The following PTPRN2 variants were observed in gnomAD, a reference collection of about 807,000 sequenced individuals.
PTPRN2 encodes protein tyrosine phosphatase receptor type N2, also known as receptor-type tyrosine-protein phosphatase N2.
Under a neutral mutation model 118.8 loss-of-function variants are expected in PTPRN2, and 74 were observed. The observed-to-expected ratio is 0.62, with a 90% CI of 0.52 to 0.76. PTPRN2 has a LOEUF of 0.76. Ranked by LOEUF, PTPRN2 falls within the 30% of genes least tolerant of loss-of-function variation. The pLI is 0.00. For missense variants in PTPRN2, 1,481 were observed against 1,394.4 expected, an observed-to-expected ratio of 1.06 and a Z score of -0.99; for synonymous variants, 641 against 608.0, an observed-to-expected ratio of 1.05 and a Z score of -0.80.
At position 157,981,929 on chromosome 7, in the gene PTPRN2, C is replaced by A. The variant is rs1382941913; in HGVS notation, c.1724-83192G>T. Among the ~76,000 whole-genome samples the A allele has an allele frequency of 2.0e-5, 3 of 152,260 alleles. No homozygotes were observed. In the East Asian group the frequency reaches 5.8e-4, roughly 29 times the overall value. ...GAATTTGTAGAATGTGGGGTCCCCC[C>A]AAACCCCTGAGTCATAAAGATGAGG... is the stretch of plus-strand genomic sequence containing the variant. On this transcript the variant is annotated intron_variant, in intron 11 of 22. Coordinates refer to ENST00000389418, the MANE Select transcript of PTPRN2 (RefSeq NM_002847.5).
At chr7:157,602,471 G>A (rs1485154472) in intron 16 of PTPRN2, among the ~76,000 whole-genome samples, 1 of 151,316 alleles carries the variant, frequency 6.6e-6, no homozygotes, top group Non-Finnish European at 1.5e-5. Context: ...GCCGAGAGCT[G>A]AGCACCGTCT....
At chr7:157,766,616 G>T (rs1289445171) in intron 12 of PTPRN2, among the ~76,000 whole-genome samples, 1 of 152,208 alleles carries the variant, frequency 6.6e-6, no homozygotes, top group African/African-American at 2.4e-5. Flanking sequence ...GGATGACTTG[G>T]GTGTTCCTCA....
chr7:157,710,741 G>A lies in PTPRN2; in HGVS notation c.1789-27804C>T, dbSNP rs113244307. Among the ~76,000 whole-genome samples the A allele has an allele frequency of 4.6e-3, 696 of 150,594 alleles. 10 individuals are homozygous for A. The highest frequency in any genetic ancestry group is 0.015 in the African/African-American group (633 of 41,184). The stretch of plus-strand genomic sequence containing the variant: ...GCCGCCTGGGCACAGGTGCCCTTGC[G>A]CCTGGCCCTCAGCCCGCCCATGTGC... On this transcript the variant is annotated intron_variant, in intron 12 of 22. Transcript: ENST00000389418.
rs1799915863 is a variant in PTPRN2, at chr7:157,731,561, AT to A, written c.1789-48625del. On this transcript the variant is annotated intron_variant, in intron 12 of 22. Coordinates refer to ENST00000389418, the MANE Select transcript of PTPRN2 (RefSeq NM_002847.5). ...CAGCACAGTTACCCTTTCCCGTCCCATGCGCCCAGCACAGTTACTCTTTTCC... is the reference window on the plus strand; with the variant it reads ...CAGCACAGTTACCCTTTCCCGTCCCAGCGCCCAGCACAGTTACTCTTTTCC... Among the ~76,000 whole-genome samples the A allele has an allele frequency of 1.5e-4, 18 of 121,332 alleles. 1 individual carries two copies. Among genetic ancestry groups the A allele is most frequent in the Non-Finnish European group, 3.2e-4 (17 of 52,502 alleles). The allele number at this position is 121,332 out of a possible 152,430, so 79.6% of individuals were successfully genotyped here.
At chr7:158,547,400 G>A (rs758786478) in intron 1 of PTPRN2, among the ~76,000 whole-genome samples, 80 of 150,502 alleles carry the variant, frequency 5.3e-4, no homozygotes, top group African/African-American at 1.7e-3. Flanking sequence ...TGACTCCCCA[G>A]CCCCCGGCAA....
intron 10 of PTPRN2, among the ~76,000 whole-genome samples, chr7:158,091,066 T>C (rs915953681): frequency 6.6e-6 from 1 of 152,254 alleles, no homozygotes; most frequent in African/African-American, 2.4e-5. Context: ...CCGAGGCTTC[T>C]ATTTGGTTGG....
intron 2 of PTPRN2, among the ~76,000 whole-genome samples, chr7:158,370,206 G>A (rs552602254): frequency 1.3e-4 from 20 of 152,292 alleles, no homozygotes; most frequent in African/African-American, 4.3e-4. Context: ...GGGAGGCCGA[G>A]GCACACCGAT....
chr7:157,724,157 C>T (rs192337538), intron 12 of PTPRN2, among the ~76,000 whole-genome samples: 7 of 152,064 alleles, frequency 4.6e-5, no homozygotes, highest in African/African-American at 7.2e-5. Context: ...AGGCTTCCCT[C>T]GTCTGAATTG....
At chr7:157,634,860 C>T (rs1303841915) in intron 14 of PTPRN2, among the ~76,000 whole-genome samples, 1 of 152,244 alleles carries the variant, frequency 6.6e-6, no homozygotes, top group Non-Finnish European at 1.5e-5. Flanking sequence ...GAAAACTGCA[C>T]ATCTGCAGTG....
chr7:158,195,352 AC>A (rs1563588324), intron 4 of PTPRN2, among the ~76,000 whole-genome samples: 1 of 152,076 alleles, frequency 6.6e-6, no homozygotes, highest in Admixed American at 6.6e-5. Context: ...TATGAAATGC[AC>A]CTTTTTTTCC....
At chr7:158,081,858 G>A (rs1160222209) in intron 10 of PTPRN2, among the ~76,000 whole-genome samples, 1 of 152,176 alleles carries the variant, frequency 6.6e-6, no homozygotes, top group African/African-American at 2.4e-5. Flanking sequence ...GCAGGGAATT[G>A]CTAGACAGGA....
chr7:157,829,439 G>A (rs1807402233), intron 12 of PTPRN2, among the ~76,000 whole-genome samples: 1 of 152,220 alleles, frequency 6.6e-6, no homozygotes, highest in Admixed American at 6.5e-5. Context: ...GGCCACAGAT[G>A]CGGGCCCGTG....
At chr7:157,945,440 A>C (rs1254414013) in intron 11 of PTPRN2, among the ~76,000 whole-genome samples, 1 of 151,722 alleles carries the variant, frequency 6.6e-6, no homozygotes, top group African/African-American at 2.4e-5. Flanking sequence ...AAATCAATGT[A>C]TCTTTCCCCG....
chr7:158,081,443 G>A (rs1585373529), intron 10 of PTPRN2, 66 bp from the exon 11 acceptor site: 6 of 1,489,394 alleles, frequency 4.0e-6, no homozygotes, highest in Admixed American at 1.7e-5. Context: ...TTCTGAAAAC[G>A]ACATGGAAAA....
chr7:157,906,213 T>C (rs1797761456), intron 11 of PTPRN2, among the ~76,000 whole-genome samples: 2 of 152,086 alleles, frequency 1.3e-5, no homozygotes, highest in African/African-American at 4.8e-5. Flanking sequence ...AGGAAGTTGA[T>C]TCAGTGATTG....
At chr7:158,034,675 A>C (rs1325503081) in intron 11 of PTPRN2, among the ~76,000 whole-genome samples, 1 of 152,200 alleles carries the variant, frequency 6.6e-6, no homozygotes, top group Non-Finnish European at 1.5e-5. Context: ...GGAGGGGCCC[A>C]TGCTAGGCCA....
At chr7:158,195,620 T>TC (rs1826152758) in intron 4 of PTPRN2, among the ~76,000 whole-genome samples, 4 of 149,180 alleles carry the variant, frequency 2.7e-5, no homozygotes, top group Admixed American at 2.0e-4. Context: ...TGGTGTTTTT[T>TC]ATTTTTTTTT....
At chr7:157,752,434 C>T (rs1017096336) in intron 12 of PTPRN2, among the ~76,000 whole-genome samples, 3 of 152,210 alleles carry the variant, frequency 2.0e-5, no homozygotes, top group Non-Finnish European at 4.4e-5. Flanking sequence ...AGTCTCCCTT[C>T]CTGGGCAGCC....
intron 12 of PTPRN2, among the ~76,000 whole-genome samples, chr7:157,800,487 C>T (rs1021963007): frequency 3.3e-5 from 5 of 152,212 alleles, no homozygotes; most frequent in South Asian, 4.1e-4. Context: ...TCCAAAGACT[C>T]GGCATCCATG....
Sources: allele counts gnomAD v4.1 joint callset (sites outside exome capture counted in the v4.1 genomes callset), GRCh38; gene constraint gnomAD v4.1.1; transcripts MANE v1.5; gene names NCBI Gene and HGNC (gene_info 2026-07-23, HGNC 2026-07-21).